ZBTB7C: variants seen among roughly 807,000 people sequenced by gnomAD.
ZBTB7C encodes zinc finger and BTB domain containing 7C, also known as zinc finger and BTB domain-containing protein 7C.
In ZBTB7C, 8 loss-of-function variants were observed where a neutral mutation model predicts 25.7. That is an observed-to-expected ratio of 0.31 (90% CI 0.18 to 0.56). ZBTB7C has a LOEUF of 0.56. ZBTB7C is among the 20% of genes least tolerant of loss of function. The pLI is 0.91. For missense variants in ZBTB7C, 824 were observed against 855.2 expected (o/e 0.96, Z 0.46); for synonymous variants, 394 against 369.0 (o/e 1.07, Z -0.78).
chr18:48,027,121 A>AAT lies in ZBTB7C; in HGVS notation c.*2137_*2138dup, dbSNP rs2035550027. ...AATTGAAACATCAAAAAAAAAAAAAAATTGAAGCAAAACAAAAACACAACC... is the reference window on the plus strand; with the variant it reads ...AATTGAAACATCAAAAAAAAAAAAAAATATTGAAGCAAAACAAAAACACAACC... On this transcript the variant is annotated 3_prime_UTR_variant, in exon 5 of 5. Transcript: ENST00000590800. 6.6e-6 allele frequency: 1 copy of AAT among 151,448 alleles called. No individual in the cohort carries two copies. Among genetic ancestry groups the AAT allele is most frequent in the Non-Finnish European group, 1.5e-5 (1 of 67,880 alleles). 9.4% of individuals were successfully genotyped at this position (151,448 alleles called of 1,614,324 possible). A position where few individuals can be genotyped will look rare whatever the true frequency, so the allele number is the denominator to read the frequency against.
intron 3 of ZBTB7C, among the ~76,000 whole-genome samples, chr18:48,136,146 G>C (rs979652123): frequency 2.0e-5 from 3 of 152,166 alleles, no homozygotes; most frequent in Admixed American, 2.0e-4. Context: ...TCCCAGGCCA[G>C]CCCCGCGGCC....
At chr18:48,143,370 T>C (rs1261187317) in intron 3 of ZBTB7C, among the ~76,000 whole-genome samples, 1 of 152,230 alleles carries the variant, frequency 6.6e-6, no homozygotes, top group South Asian at 2.1e-4. Flanking sequence ...AAAGACACTT[T>C]CTGTTTTTAA....
In ZBTB7C at chr18:48,362,305, G is replaced by A. The variant is rs147582306; in HGVS notation, c.-303-23907C>T. Among the ~76,000 whole-genome samples, 97 of 152,312 alleles carry A rather than the reference G, an allele frequency of 6.4e-4. 1 individual carries two copies. In the East Asian group the frequency reaches 0.017, roughly 27 times the overall value. ...GTTTCATGCTTCCCATGGTCTGAACGTTTGTGTCTGTCTCCCCAGAATTCC... is the reference window on the plus strand; with the variant it reads ...GTTTCATGCTTCCCATGGTCTGAACATTTGTGTCTGTCTCCCCAGAATTCC... On this transcript the variant is annotated intron_variant, in intron 1 of 4. Coordinates refer to ENST00000590800, the MANE Select transcript of ZBTB7C (RefSeq NM_001318841.2).
At chr18:48,204,273 A>G (rs2042527305) in intron 2 of ZBTB7C, among the ~76,000 whole-genome samples, 1 of 152,110 alleles carries the variant, frequency 6.6e-6, no homozygotes. Flanking sequence ...AACTCTGCGC[A>G]TGCCCAGTCT....
intron 3 of ZBTB7C, chr18:48,165,396 G>A (rs1053445862): frequency 2.9e-6 from 1 of 349,234 alleles, no homozygotes; most frequent in African/African-American, 2.2e-5. Flanking sequence ...CATACTCTAT[G>A]GCCCAAGTCC....
intron 2 of ZBTB7C, among the ~76,000 whole-genome samples, chr18:48,269,438 G>C (rs928317028): frequency 2.0e-5 from 3 of 152,198 alleles, no homozygotes; most frequent in Admixed American, 2.0e-4. Flanking sequence ...TTGGAGGTTA[G>C]GCTTCAACAC....
intron 3 of ZBTB7C, chr18:48,149,984 A>G (rs2040624346): frequency 6.6e-6 from 1 of 151,776 alleles, no homozygotes; most frequent in Non-Finnish European, 1.5e-5. Context: ...TTATATCTTT[A>G]GTAGAGACGG....
intron 1 of ZBTB7C, among the ~76,000 whole-genome samples, chr18:48,360,923 T>A (rs1273670446): frequency 6.6e-6 from 1 of 152,086 alleles, no homozygotes; most frequent in African/African-American, 2.4e-5. Flanking sequence ...GGCAGAAAGA[T>A]GAAAGCTAGG....
At chr18:48,145,837 A>T (rs1281304701) in intron 3 of ZBTB7C, among the ~76,000 whole-genome samples, 1 of 152,238 alleles carries the variant, frequency 6.6e-6, no homozygotes. Flanking sequence ...ATCTTTTACA[A>T]GACTGCTATT....
intron 2 of ZBTB7C, among the ~76,000 whole-genome samples, chr18:48,313,806 C>G (rs1355837787): frequency 6.6e-6 from 1 of 152,180 alleles, no homozygotes; most frequent in Non-Finnish European, 1.5e-5. Flanking sequence ...CCCTCCAAAT[C>G]TCATGTTGAA....
intron 1 of ZBTB7C, among the ~76,000 whole-genome samples, chr18:48,344,096 TGCCTCG>T (rs1434717535): frequency 2.0e-5 from 3 of 152,230 alleles, no homozygotes; most frequent in African/African-American, 7.2e-5. Flanking sequence ...GCTATTCTCC[TGCCTCG>T]GCCTTCCGAG....
At chr18:48,077,855 C>T (rs918683686) in intron 3 of ZBTB7C, among the ~76,000 whole-genome samples, 2 of 152,108 alleles carry the variant, frequency 1.3e-5, no homozygotes, top group African/African-American at 4.8e-5. Context: ...GCTGAGGAGA[C>T]CCACCAAGAG....
intron 4 of ZBTB7C, among the ~76,000 whole-genome samples, chr18:48,035,882 C>G (rs527404221): frequency 6.6e-6 from 1 of 152,204 alleles, no homozygotes; most frequent in Non-Finnish European, 1.5e-5. Flanking sequence ...CTGCCTCTGC[C>G]CTATGACCTG....
At chr18:48,289,699 T>C (rs1364934305) in intron 2 of ZBTB7C, among the ~76,000 whole-genome samples, 2 of 152,174 alleles carry the variant, frequency 1.3e-5, no homozygotes, top group Non-Finnish European at 2.9e-5. Flanking sequence ...TGTACCCCCA[T>C]GGATTTTACA....
chr18:48,097,078 C>T (rs964039330), intron 3 of ZBTB7C, among the ~76,000 whole-genome samples: 6 of 152,226 alleles, frequency 3.9e-5, no homozygotes. Flanking sequence ...TCTTCTTTTC[C>T]TGAAAACTGT....
intron 3 of ZBTB7C, among the ~76,000 whole-genome samples, chr18:48,158,641 G>A (rs1438622820): frequency 6.6e-6 from 1 of 152,134 alleles, no homozygotes; most frequent in African/African-American, 2.4e-5. Context: ...CTTTCTCCTA[G>A]TTCCTAGGCC....
chr18:48,224,490 C>T (rs73955665), intron 2 of ZBTB7C, among the ~76,000 whole-genome samples: 26 of 152,186 alleles, frequency 1.7e-4, no homozygotes, highest in South Asian at 2.1e-4. Flanking sequence ...CCAGTGAGGA[C>T]AGCAGACATG....
At chr18:48,242,690 G>A (rs2043562373) in intron 2 of ZBTB7C, among the ~76,000 whole-genome samples, 1 of 151,994 alleles carries the variant, frequency 6.6e-6, no homozygotes, top group Non-Finnish European at 1.5e-5. Context: ...AGTATAGAAG[G>A]ACATACCTTA....
At position 48,195,299 on chromosome 18, in the gene ZBTB7C, G is replaced by C. The variant is rs149193131; in HGVS notation, c.-78-9304C>G. On this transcript the variant is annotated intron_variant, in intron 2 of 4. Transcript: ENST00000590800. ...CCCCTTCCAAATTTCATCTTGAATT[G>C]CAGCTCCCATAATCCCCACGTGTTG... Among the ~76,000 whole-genome samples, 20 of 152,238 alleles carry C rather than the reference G, an allele frequency of 1.3e-4. No individual in the cohort carries two copies. The East Asian group carries it at 3.5e-3, about 26-fold the overall frequency.
Sources: gnomAD v4.1 joint callset for allele counts (sites outside exome capture counted in the v4.1 genomes callset) on GRCh38, gnomAD v4.1.1 for gene constraint, MANE v1.5 for transcripts, NCBI Gene and HGNC (gene_info 2026-07-23, HGNC 2026-07-21) for gene names.